Variants in PTPRM observed in about 807,000 individuals in gnomAD.
The protein encoded by PTPRM is protein tyrosine phosphatase receptor type M, also known as receptor-type tyrosine-protein phosphatase mu.
Under a neutral mutation model 186.7 loss-of-function variants are expected in PTPRM, and 47 were observed. That is an observed-to-expected ratio of 0.25 (90% CI 0.20 to 0.32). The LOEUF is 0.32. Ranked by LOEUF, PTPRM falls within the 10% of genes least tolerant of loss-of-function variation. The probability of loss-of-function intolerance (pLI) is 1.00; values close to 1 mark genes in which losing one functional copy is unlikely to be tolerated. For missense variants in PTPRM, 1,494 were observed against 1,865.0 expected, an observed-to-expected ratio of 0.80 and a Z score of 3.66; for synonymous variants, 668 against 674.9, an observed-to-expected ratio of 0.99 and a Z score of 0.16.
intron 4 of PTPRM, among the ~76,000 whole-genome samples, chr18:7,925,036 T>C (rs2051088708): frequency 6.6e-6 from 1 of 152,156 alleles, no homozygotes; most frequent in African/African-American, 2.4e-5. Flanking sequence ...CATTTGTGAG[T>C]ACTCAATGGA....
intron 1 of PTPRM, among the ~76,000 whole-genome samples, chr18:7,623,667 G>A (rs1267752988): frequency 1.3e-5 from 2 of 152,200 alleles, no homozygotes; most frequent in Middle Eastern, 3.4e-3. Flanking sequence ...GTTACCTTGA[G>A]TGTCTTTGCT....
chr18:8,179,592 C>A (rs1483197290), intron 14 of PTPRM, among the ~76,000 whole-genome samples: 1 of 152,006 alleles, frequency 6.6e-6, no homozygotes, highest in East Asian at 1.9e-4. Flanking sequence ...GCCTCAGTCT[C>A]CCAGGTAGCT....
At chr18:7,964,489 A>G (rs1400437064) in intron 7 of PTPRM, among the ~76,000 whole-genome samples, 3 of 152,304 alleles carry the variant, frequency 2.0e-5, no homozygotes, top group Admixed American at 6.5e-5. Flanking sequence ...CAGTACCAGC[A>G]TTGTCTTCAT....
At chr18:7,904,859 T>G (rs942922121) in intron 3 of PTPRM, among the ~76,000 whole-genome samples, 25 of 152,252 alleles carry the variant, frequency 1.6e-4, no homozygotes, top group African/African-American at 5.8e-4. Flanking sequence ...TCATTCTGTG[T>G]GTAAATGGAG....
chr18:8,175,762 G>A lies in PTPRM; in HGVS notation c.2300+31983G>A, dbSNP rs73941038. 4.7e-3 allele frequency among the ~76,000 whole-genome samples: 720 copies of A among 152,300 alleles called. 8 individuals carry two copies. The highest frequency in any genetic ancestry group is 0.016 in the African/African-American group (666 of 41,564). ...CAGTAGGCATCTTGAAGGTAATTTCGTTGGTTGCACATAGTTTAGAATTAT... is the reference window on the plus strand; with the variant it reads ...CAGTAGGCATCTTGAAGGTAATTTCATTGGTTGCACATAGTTTAGAATTAT... On this transcript the variant is annotated intron_variant, in intron 14 of 32. Coordinates refer to ENST00000580170, the MANE Select transcript of PTPRM (RefSeq NM_001105244.2).
chr18:8,350,657 A>G (rs1264510487), intron 23 of PTPRM, among the ~76,000 whole-genome samples: 1 of 152,220 alleles, frequency 6.6e-6, no homozygotes, highest in Non-Finnish European at 1.5e-5. Flanking sequence ...TCATCTGTTC[A>G]GAATCCTTCA....
chr18:8,003,225 C>T (rs562300074), intron 7 of PTPRM, among the ~76,000 whole-genome samples: 10 of 152,228 alleles, frequency 6.6e-5, no homozygotes, highest in African/African-American at 2.4e-4. Context: ...GAATAAGTCT[C>T]ATGAGATCTG....
At chr18:8,373,485 C>T (rs1256337839) in intron 24 of PTPRM, among the ~76,000 whole-genome samples, 1 of 152,138 alleles carries the variant, frequency 6.6e-6, no homozygotes, top group Non-Finnish European at 1.5e-5. Context: ...CTGAAGTCTC[C>T]ATGCATTTAG....
intron 1 of PTPRM, among the ~76,000 whole-genome samples, chr18:7,574,497 T>G (rs2036638293): frequency 6.6e-6 from 1 of 152,248 alleles, no homozygotes; most frequent in Non-Finnish European, 1.5e-5. Context: ...AAATATTTAT[T>G]GAGCACTTAC....
chr18:7,681,142 T>A (rs1196650226), intron 1 of PTPRM, among the ~76,000 whole-genome samples: 1 of 152,162 alleles, frequency 6.6e-6, no homozygotes, highest in South Asian at 2.1e-4. Flanking sequence ...TCTGAGGATT[T>A]TTTTTCCCTT....
chr18:7,960,096 T>G (rs1156590702), intron 7 of PTPRM, among the ~76,000 whole-genome samples: 2 of 152,160 alleles, frequency 1.3e-5, no homozygotes, highest in African/African-American at 4.8e-5. Context: ...TTTTATGTGT[T>G]TTATTTGGAG....
At chr18:7,684,660 T>C (rs2039558101) in intron 1 of PTPRM, among the ~76,000 whole-genome samples, 1 of 152,246 alleles carries the variant, frequency 6.6e-6, no homozygotes, top group Admixed American at 6.5e-5. Context: ...ATCCATGTTA[T>C]CGCACATTGC....
chr18:7,654,218 C>G (rs1329535541), intron 1 of PTPRM, among the ~76,000 whole-genome samples: 1 of 152,084 alleles, frequency 6.6e-6, no homozygotes, highest in African/African-American at 2.4e-5. Context: ...GGATATTAGA[C>G]TTTTGTCAGA....
intron 7 of PTPRM, among the ~76,000 whole-genome samples, chr18:7,981,251 CG>C (rs559493224): frequency 1.1e-3 from 173 of 152,192 alleles, no homozygotes; most frequent in African/African-American, 3.9e-3. Flanking sequence ...ACAATGGAGT[CG>C]TGCATTCCCT....
chr18:7,755,705 G>T (rs1234293373), intron 1 of PTPRM, among the ~76,000 whole-genome samples: 1 of 152,142 alleles, frequency 6.6e-6, no homozygotes, highest in Non-Finnish European at 1.5e-5. Flanking sequence ...CTTTTATTTA[G>T]AAAATCCTAC....
intron 14 of PTPRM, among the ~76,000 whole-genome samples, chr18:8,234,948 G>T (rs1231157136): frequency 6.6e-6 from 1 of 152,012 alleles, no homozygotes. Flanking sequence ...CTTGGCCATG[G>T]TGTATAATTA....
At chr18:8,314,882 G>C in intron 21 of PTPRM, 25 bp downstream of exon 21, 2 of 1,440,188 alleles carry the variant, frequency 1.4e-6, no homozygotes, top group Non-Finnish European at 1.9e-6. Flanking sequence ...ATTTTTAATT[G>C]ATATATAATT....
intron 22 of PTPRM, among the ~76,000 whole-genome samples, chr18:8,341,687 C>CCA (rs1255016767): frequency 6.6e-6 from 1 of 151,736 alleles, no homozygotes; most frequent in Admixed American, 6.6e-5. Context: ...GTGAAGCCCC[C>CCA]CCCCCTTTGA....
intron 3 of PTPRM, among the ~76,000 whole-genome samples, chr18:7,891,194 G>T (rs549536642): frequency 6.6e-6 from 1 of 152,170 alleles, no homozygotes; most frequent in East Asian, 1.9e-4. Flanking sequence ...GCTGAGGCTG[G>T]AAGATCGCTT....
Sources: gnomAD v4.1 joint callset for allele counts (sites outside exome capture counted in the v4.1 genomes callset) on GRCh38, gnomAD v4.1.1 for gene constraint, MANE v1.5 for transcripts, NCBI Gene and HGNC (gene_info 2026-07-23, HGNC 2026-07-21) for gene names.